WDR83: variants seen among roughly 807,000 people sequenced by gnomAD.
The protein encoded by WDR83 is WD repeat domain-containing protein 83.
In WDR83, 37 loss-of-function variants were observed where a neutral mutation model predicts 37.7. That is an observed-to-expected ratio of 0.98 (90% CI 0.76 to 1.29). The LOEUF (loss-of-function observed/expected upper bound fraction) is 1.29. Among genes scored for constraint, WDR83 ranks in the 50% most tolerant of loss-of-function variants. The pLI is 0.00. For synonymous variants in WDR83, 174 were observed against 181.1 expected (o/e 0.96, Z 0.31); for missense variants, 445 against 414.4 (o/e 1.07, Z -0.64).
At position 12,672,909 on chromosome 19, in the gene WDR83, T is replaced by C; in HGVS notation, c.569T>C (p.Val190Ala). ...LRMGQLFSDY[V>A]GSPITCTCFS... ...ATGGGGCAGCTCTTCTCAGACTACG[T>C]GGGCAGTGAGTGTGGCTGGGGATGT... The change falls in exon 8 of 11, where the codon GTG becomes GCG. Residue 190 changes from valine to alanine, a missense_variant. Coordinates refer to ENST00000418543, the MANE Select transcript of WDR83 (RefSeq NM_001099737.3). 6.3e-7 allele frequency: 1 copy of C among 1,599,470 alleles called. No individual in the cohort carries two copies. Among genetic ancestry groups the C allele is most frequent in the Non-Finnish European group, 8.5e-7 (1 of 1,172,944 alleles).
Position 12,675,520 on chromosome 19 carries a change from C to T in WDR83, c.799-3C>T, listed in dbSNP as rs763089737. On this transcript the variant is annotated splice_polypyrimidine_tract_variant and splice_region_variant and intron_variant, in intron 10 of 10. Coordinates refer to ENST00000418543, the MANE Select transcript of WDR83 (RefSeq NM_001099737.3). ...TAACCACTCCCTACCCCTCGCTCCA[C>T]AGGGTGCGCTGGCTCTGGCCCTGCC... 6.2e-7 allele frequency: 1 copy of T among 1,603,606 alleles called. No individual in the cohort carries two copies. Among genetic ancestry groups the T allele is most frequent in the Non-Finnish European group, 8.5e-7 (1 of 1,179,850 alleles).
intron 2 of WDR83, 185 bp from the exon 3 acceptor site, chr19:12,669,570 A>G (rs1172596017): frequency 7.2e-6 from 7 of 976,216 alleles, no homozygotes; most frequent in East Asian, 5.3e-5. Flanking sequence ...AGGAGAAGCC[A>G]GAAGTCTTCC....
At position 12,667,024 on chromosome 19, in the gene WDR83, C is replaced by T. The variant is rs147731691; in HGVS notation, c.-157+32C>T. 238 of 430,808 alleles carry T rather than the reference C, an allele frequency of 5.5e-4. 1 individual carries two copies. In the East Asian group the frequency reaches 0.01, roughly 18 times the overall value. The allele number at this position is 430,808 out of a possible 1,614,324, so 26.7% of individuals were successfully genotyped here. On this transcript the variant is annotated intron_variant, in intron 1 of 10. Transcript: ENST00000418543. ...GCAGAAGTGCTTTTCCTAAGGGGGC[C>T]GGGTTTTCCTAGCCGGTGTAGTGTG...
Position 12,673,791 on chromosome 19 carries a change from C to A in WDR83, c.798+475C>A, listed in dbSNP as rs558949453. On this transcript the variant is annotated intron_variant, in intron 10 of 10. Transcript: ENST00000418543. Reference sequence around the variant, plus strand: ...TCAGCTCACTGCAACCTCTTCCCCCCAGGGTTCAGGTGATTCTCATGTCTC... The same window carrying A: ...TCAGCTCACTGCAACCTCTTCCCCCAAGGGTTCAGGTGATTCTCATGTCTC... Among the ~76,000 whole-genome samples the A allele has an allele frequency of 3.7e-4, 56 of 152,254 alleles. 2 individuals carry two copies. The South Asian group carries it at 4.6e-3, about 12-fold the overall frequency.
In WDR83 at chr19:12,668,850, A is replaced by G. The variant is rs1320166432; in HGVS notation, c.-37+223A>G. Among the ~76,000 whole-genome samples the G allele has an allele frequency of 3.3e-5, 5 of 152,114 alleles. No individual in the cohort carries two copies. The East Asian group carries it at 7.7e-4, about 23-fold the overall frequency. The stretch of plus-strand genomic sequence containing the variant: ...ACCAAGAGAGACTCTGACATCCCAC[A>G]TGCTTAAGACCCTGCCCTTTTTCCA... On this transcript the variant is annotated intron_variant, in intron 2 of 10. Transcript: ENST00000418543.
Position 12,673,182 on chromosome 19 carries a change from C to T in WDR83, c.684-20C>T, listed in dbSNP as rs867378816. On this transcript the variant is annotated intron_variant, in intron 9 of 10. Coordinates refer to ENST00000418543, the MANE Select transcript of WDR83 (RefSeq NM_001099737.3). Reference sequence around the variant, plus strand: ...CCACCCCTGGAGAGGACCAAGCCCCCCGATCCTGTCCACCCTTAGGTACAA... The same window carrying T: ...CCACCCCTGGAGAGGACCAAGCCCCTCGATCCTGTCCACCCTTAGGTACAA... 1 of 1,613,644 alleles carries T rather than the reference C, an allele frequency of 6.2e-7. No homozygotes were observed. Among genetic ancestry groups the T allele is most frequent in the Non-Finnish European group, 8.5e-7 (1 of 1,179,754 alleles).
intron 5 of WDR83, 72 bp downstream of exon 5, chr19:12,670,357 ACCC>A: frequency 6.5e-7 from 1 of 1,546,886 alleles, no homozygotes; most frequent in Non-Finnish European, 8.8e-7. Flanking sequence ...TGACACGGCC[ACCC>A]CCATTACACC....
intron 7 of WDR83, 37 bp from the exon 8 acceptor site, chr19:12,672,810 T>A (rs1158681399): frequency 6.4e-7 from 1 of 1,553,666 alleles, no homozygotes; most frequent in Non-Finnish European, 8.7e-7. Flanking sequence ...CATGTGAGTG[T>A]AGTCAAGGTT....
At chr19:12,670,137 G>T in intron 4 of WDR83, 40 bp downstream of exon 4, 1 of 1,607,250 alleles carries the variant, frequency 6.2e-7, no homozygotes. Context: ...CGCTGAGGCT[G>T]GGATCCGAGG....
intron 10 of WDR83, among the ~76,000 whole-genome samples, chr19:12,674,696 AG>A (rs2024518334): frequency 6.6e-6 from 1 of 152,192 alleles, no homozygotes; most frequent in South Asian, 2.1e-4. Context: ...AGCTGGTGGC[AG>A]GGAACAGGCA....
intron 2 of WDR83, chr19:12,669,036 A>C: frequency 7.6e-7 from 1 of 1,318,510 alleles, no homozygotes; most frequent in South Asian, 1.2e-5. Context: ...CCGCCCCATC[A>C]GCAATGACAA....
intron 2 of WDR83, 159 bp from the exon 3 acceptor site, chr19:12,669,596 G>A (rs2024350472): frequency 2.2e-6 from 2 of 927,082 alleles, no homozygotes; most frequent in African/African-American, 3.3e-5. Flanking sequence ...AAGGGAAAAT[G>A]GGGAAAAGAA....
chr19:12,671,801 G>A (rs543018337), intron 7 of WDR83, among the ~76,000 whole-genome samples: 3 of 152,162 alleles, frequency 2.0e-5, no homozygotes, highest in South Asian at 2.1e-4. Context: ...AGGTTCAGGC[G>A]ATTCTCCTGC....
rs935468162 is a variant in WDR83, at chr19:12,670,680, A to T, written c.380-15A>T. 2 of 1,614,070 alleles carry T rather than the reference A, an allele frequency of 1.2e-6. No individual in the cohort carries two copies. Among genetic ancestry groups the T allele is most frequent in the Non-Finnish European group, 1.7e-6 (2 of 1,180,038 alleles). On this transcript the variant is annotated splice_polypyrimidine_tract_variant and intron_variant, in intron 6 of 10. Transcript: ENST00000418543. ...CCCCTCCAAACCTGACCTCACCATCATGCTGGCCTCACAGGCTCTATTGAT... is the reference window on the plus strand; with the variant it reads ...CCCCTCCAAACCTGACCTCACCATCTTGCTGGCCTCACAGGCTCTATTGAT...
rs144906540 is a variant in WDR83 at position 12,668,596 on chromosome 19, C to T, written c.-68C>T. ...AAGCTGATGAAGGAGCAGTAGACAG[C>T]GACCCAAGCACACCACTTCAGCTAG... On this transcript the variant is annotated 5_prime_UTR_variant, in exon 2 of 11. Transcript: ENST00000418543. The T allele has an allele frequency of 2.3e-5, 37 of 1,613,884 alleles. No homozygotes were observed. Among genetic ancestry groups the T allele is most frequent in the Non-Finnish European group, 2.9e-5 (34 of 1,179,994 alleles).
rs2024268260 is a variant in WDR83, at chr19:12,666,973, C to T, written c.-176C>T. On this transcript the variant is annotated 5_prime_UTR_variant, in exon 1 of 11. It adds an upstream start codon to the 5' untranslated region. Coordinates refer to ENST00000418543, the MANE Select transcript of WDR83 (RefSeq NM_001099737.3). ...GCCTCTTAATGCCGGAATTCCAAGA[C>T]GGAATGCCTCTTAATGCCGGTAGGA... The T allele has an allele frequency of 5.5e-6, 3 of 549,210 alleles. No individual in the cohort carries two copies. Among genetic ancestry groups the T allele is most frequent in the Non-Finnish European group, 9.7e-6 (3 of 309,812 alleles). The allele number at this position is 549,210 out of a possible 1,614,324, so 34.0% of individuals were successfully genotyped here.
At chr19:12,667,659 CA>C (rs904631796) in intron 1 of WDR83, among the ~76,000 whole-genome samples, 1 of 151,320 alleles carries the variant, frequency 6.6e-6, no homozygotes, top group African/African-American at 2.4e-5. Flanking sequence ...AACTCTGTCT[CA>C]AAAAAAACAA....
In WDR83 at chr19:12,675,647, A is replaced by G. The variant is rs767870457; in HGVS notation, c.923A>G (p.Tyr308Cys). The change falls in exon 11 of 11, where the codon TAT becomes TGT. Residue 308 changes from tyrosine to cysteine, a missense_variant. Physicochemically the swap from Tyr to Cys is radical, Grantham distance 194 (BLOSUM62 -2). Coordinates refer to ENST00000418543, the MANE Select transcript of WDR83 (RefSeq NM_001099737.3). ...GSVQCWREEA[Y>C]EAEDGAG ...GTCCAGTGCTGGCGAGAGGAGGCCTATGAGGCAGAGGATGGAGCAGGCTGA... is the reference window on the plus strand; with the variant it reads ...GTCCAGTGCTGGCGAGAGGAGGCCTGTGAGGCAGAGGATGGAGCAGGCTGA... The G allele has an allele frequency of 1.4e-5, 23 of 1,601,588 alleles. No individual in the cohort carries two copies. The East Asian group carries it at 4.5e-4, about 31-fold the overall frequency.
intron 7 of WDR83, chr19:12,672,465 G>A (rs1439539417): frequency 4.2e-6 from 1 of 236,248 alleles, no homozygotes; most frequent in African/African-American, 2.3e-5. Context: ...AAAATTAGCA[G>A]GGCGTGGTGG....
Sources: gnomAD v4.1 joint callset for allele counts (sites outside exome capture counted in the v4.1 genomes callset) on GRCh38, gnomAD v4.1.1 for gene constraint, MANE v1.5 for transcripts, NCBI Gene and HGNC (gene_info 2026-07-23, HGNC 2026-07-21) for gene names.